The following ESRRG variants were observed in gnomAD, a reference collection of about 807,000 sequenced individuals.
ESRRG encodes estrogen related receptor gamma, also known as estrogen-related receptor gamma.
A neutral mutation model predicts 44.0 loss-of-function variants in ESRRG; 13 were observed. That is an observed-to-expected ratio of 0.30 (90% CI 0.19 to 0.47). The LOEUF (loss-of-function observed/expected upper bound fraction) is 0.47, where lower values mean the gene tolerates loss of function less well. ESRRG is among the 20% of genes least tolerant of loss of function. The pLI, the probability that ESRRG is intolerant of heterozygous loss-of-function variation, is 1.00. For missense variants in ESRRG, 395 were observed against 580.6 expected (o/e 0.68, Z 3.29); for synonymous variants, 215 against 214.6 (o/e 1.00, Z -0.02).
At chr1:216,622,027 G>A (rs972268465) in intron 3 of ESRRG, among the ~76,000 whole-genome samples, 1 of 152,162 alleles carries the variant, frequency 6.6e-6, no homozygotes, top group African/African-American at 2.4e-5. Context: ...GATGACTACT[G>A]TCTACAAACT....
chr1:216,629,393 T>C (rs993756252), intron 3 of ESRRG, among the ~76,000 whole-genome samples: 5 of 152,192 alleles, frequency 3.3e-5, no homozygotes, highest in Non-Finnish European at 4.4e-5. Flanking sequence ...CCATTGGGTT[T>C]ATATGGATAT....
At chr1:217,114,429 A>C (rs1251220104) in intron 1 of ESRRG, among the ~76,000 whole-genome samples, 1 of 152,084 alleles carries the variant, frequency 6.6e-6, no homozygotes, top group Non-Finnish European at 1.5e-5. Flanking sequence ...TCCCAGATCA[A>C]GGTGTCTAAT....
intron 1 of ESRRG, among the ~76,000 whole-genome samples, chr1:217,105,997 C>A (rs1197641704): frequency 6.6e-6 from 1 of 152,200 alleles, no homozygotes; most frequent in South Asian, 2.1e-4. Flanking sequence ...CAAATTCAGA[C>A]TGTGATGAAT....
At chr1:217,037,110 T>C (rs1464856874) in intron 1 of ESRRG, among the ~76,000 whole-genome samples, 3 of 152,184 alleles carry the variant, frequency 2.0e-5, no homozygotes, top group Non-Finnish European at 4.4e-5. Flanking sequence ...TGATAACAAA[T>C]ATTCAGTTTT....
At chr1:216,688,900 AG>A (rs1266266728) in intron 1 of ESRRG, among the ~76,000 whole-genome samples, 2 of 152,140 alleles carry the variant, frequency 1.3e-5, no homozygotes, top group East Asian at 3.9e-4. Context: ...AGAGTGGAGA[AG>A]GGTTGGTGGA....
intron 2 of ESRRG, among the ~76,000 whole-genome samples, chr1:216,810,557 A>C (rs886749786): frequency 6.8e-6 from 1 of 147,980 alleles, no homozygotes; most frequent in African/African-American, 2.5e-5. Context: ...AATAGAAGGC[A>C]GAATATATAT....
chr1:216,744,057 TAAGTGATG>T (rs2091084558), intron 2 of ESRRG, among the ~76,000 whole-genome samples: 1 of 152,108 alleles, frequency 6.6e-6, no homozygotes, highest in Admixed American at 6.6e-5. Flanking sequence ...TCTTTTTATC[TAAGTGATG>T]AGCAGAAAGT....
intron 3 of ESRRG, among the ~76,000 whole-genome samples, chr1:216,619,672 C>T (rs1339901166): frequency 1.3e-5 from 2 of 152,174 alleles, no homozygotes; most frequent in Non-Finnish European, 2.9e-5. Flanking sequence ...CTGAAGCCTG[C>T]TTACCTTCCC....
intron 1 of ESRRG, among the ~76,000 whole-genome samples, chr1:217,122,940 C>T (rs2092840309): frequency 6.6e-6 from 1 of 152,058 alleles, no homozygotes; most frequent in South Asian, 2.1e-4. Flanking sequence ...TATCCGCCTG[C>T]CTCGGCCTCC....
At chr1:217,065,303 C>T (rs1164530206) in intron 1 of ESRRG, among the ~76,000 whole-genome samples, 1 of 152,214 alleles carries the variant, frequency 6.6e-6, no homozygotes. Context: ...AAACCCTCAG[C>T]AGGTGTGAAA....
intron 2 of ESRRG, among the ~76,000 whole-genome samples, chr1:216,809,896 T>A (rs1162940119): frequency 6.6e-6 from 1 of 152,194 alleles, no homozygotes; most frequent in Non-Finnish European, 1.5e-5. Context: ...TGCACAGAGC[T>A]AAACATCTCT....
intron 3 of ESRRG, among the ~76,000 whole-genome samples, chr1:216,599,319 CAAG>C (rs1001830515): frequency 2.0e-5 from 3 of 152,144 alleles, no homozygotes; most frequent in Non-Finnish European, 2.9e-5. Flanking sequence ...CATCTCACAA[CAAG>C]AAGAACTTTA....
At chr1:216,536,734 A>T (rs1303539614) in intron 5 of ESRRG, among the ~76,000 whole-genome samples, 1 of 152,114 alleles carries the variant, frequency 6.6e-6, no homozygotes, top group Non-Finnish European at 1.5e-5. Flanking sequence ...TTCACTGAGT[A>T]CTAAATTCCA....
chr1:216,724,543 G>A (rs1298948265), upstream of ESRRG, among the ~76,000 whole-genome samples: 1 of 151,592 alleles, frequency 6.6e-6, no homozygotes, highest in Non-Finnish European at 1.5e-5. Flanking sequence ...CTATACATAA[G>A]GCACCCTATA....
chr1:216,584,455 A>T (rs2063388462), intron 3 of ESRRG, among the ~76,000 whole-genome samples: 1 of 151,876 alleles, frequency 6.6e-6, no homozygotes, highest in African/African-American at 2.4e-5. Context: ...ACGGGGTTTC[A>T]CCGTGTTGGC....
At chr1:216,894,941 A>G (rs1033145935) in intron 2 of ESRRG, among the ~76,000 whole-genome samples, 6 of 152,108 alleles carry the variant, frequency 3.9e-5, no homozygotes, top group Non-Finnish European at 7.4e-5. Flanking sequence ...GCTAAAATAT[A>G]TTTCTTTTCA....
upstream of ESRRG, among the ~76,000 whole-genome samples, chr1:216,727,000 T>A (rs1490034944): frequency 6.6e-6 from 1 of 152,236 alleles, no homozygotes; most frequent in Non-Finnish European, 1.5e-5. Flanking sequence ...TAGAAGGTGA[T>A]GAGAAATGCT....
At chr1:216,717,015 G>A (rs1320201410) in intron 1 of ESRRG, among the ~76,000 whole-genome samples, 2 of 151,746 alleles carry the variant, frequency 1.3e-5, no homozygotes, top group African/African-American at 2.4e-5. Flanking sequence ...TACATGCATT[G>A]TCATAAATTA....
intron 2 of ESRRG, among the ~76,000 whole-genome samples, chr1:216,930,581 G>A (rs2063203519): frequency 6.6e-6 from 1 of 152,086 alleles, no homozygotes; most frequent in African/African-American, 2.4e-5. Context: ...TTAAAGACCT[G>A]GAAACTGCAA....
Sources: allele counts gnomAD v4.1 joint callset (sites outside exome capture counted in the v4.1 genomes callset), GRCh38; gene constraint gnomAD v4.1.1; transcripts MANE v1.5; gene names NCBI Gene and HGNC (gene_info 2026-07-23, HGNC 2026-07-21).